Variants in NPEPPS observed in about 807,000 individuals in gnomAD.
The protein encoded by NPEPPS is aminopeptidase puromycin sensitive.
A neutral mutation model predicts 115.5 loss-of-function variants in NPEPPS; 14 were observed. The observed-to-expected ratio is 0.12, with a 90% CI of 0.08 to 0.19. NPEPPS has a LOEUF of 0.19. Among genes scored for constraint, NPEPPS ranks in the 10% least tolerant of loss-of-function variants. The pLI is 1.00. For synonymous variants in NPEPPS, 285 were observed against 390.6 expected (o/e 0.73, Z 3.19); for missense variants, 523 against 1,110.8 (o/e 0.47, Z 7.52).
intron 1 of NPEPPS, among the ~76,000 whole-genome samples, chr17:47,532,529 C>G (rs1276046589): frequency 6.6e-6 from 1 of 151,932 alleles, no homozygotes; most frequent in African/African-American, 2.4e-5. Flanking sequence ...TGGCGGGCCC[C>G]TGTAATCTCA....
intron 2 of NPEPPS, among the ~76,000 whole-genome samples, chr17:47,563,691 C>T (rs1186380244): frequency 6.6e-6 from 1 of 152,026 alleles, no homozygotes; most frequent in Non-Finnish European, 1.5e-5. Context: ...CTGCCTCAGC[C>T]TCCTGAGTAG....
rs543559258 is a variant in NPEPPS at position 47,538,202 on chromosome 17, C to CTTTTTTTTTTT, written c.255+6660_255+6670dup. Among the ~76,000 whole-genome samples, 146 of 58,490 alleles carry CTTTTTTTTTTT rather than the reference C, an allele frequency of 2.5e-3. 12 individuals carry two copies. The highest frequency in any genetic ancestry group is 3.9e-3 in the Non-Finnish European group (117 of 29,660). The allele number at this position is 58,490 out of a possible 152,430, so 38.4% of individuals were successfully genotyped here. ...GCCACCGCGCCTAGCCATATCTGTT[C>CTTTTTTTTTTT]TTTTTTTTTTTTTTTTTTTTTTTGA... On this transcript the variant is annotated intron_variant, in intron 1 of 22. Transcript: ENST00000322157.
intron 11 of NPEPPS, 49 bp from the exon 12 acceptor site, chr17:47,592,436 A>G: frequency 6.5e-7 from 1 of 1,529,680 alleles, no homozygotes. Flanking sequence ...AATATACTAT[A>G]AATTCTGAGA....
chr17:47,534,919 G>A (rs1908085104), intron 1 of NPEPPS, among the ~76,000 whole-genome samples: 1 of 151,920 alleles, frequency 6.6e-6, no homozygotes, highest in Admixed American at 6.6e-5. Context: ...TGCAGAAGGT[G>A]AAGAAATTAG....
chr17:47,620,917 G>A (rs774836185), intron 22 of NPEPPS, among the ~76,000 whole-genome samples: 12 of 152,056 alleles, frequency 7.9e-5, no homozygotes, highest in Admixed American at 1.3e-4. Context: ...TAAAAATGTT[G>A]GATTCCTGTA....
chr17:47,578,782 G>A (rs1418480034), intron 3 of NPEPPS, among the ~76,000 whole-genome samples: 5 of 152,002 alleles, frequency 3.3e-5, no homozygotes, highest in Admixed American at 6.5e-5. Flanking sequence ...TATGCAATCA[G>A]TGTTCCATTT....
At chr17:47,581,579 T>C (rs1911876189) in intron 4 of NPEPPS, 2 of 152,240 alleles carry the variant, frequency 1.3e-5, no homozygotes, top group Non-Finnish European at 2.9e-5. Flanking sequence ...TTTCTTTCCT[T>C]ATACTCTCCC....
At chr17:47,566,028 C>G (rs1037094024) in intron 2 of NPEPPS, among the ~76,000 whole-genome samples, 4 of 152,200 alleles carry the variant, frequency 2.6e-5, no homozygotes, top group Non-Finnish European at 5.9e-5. Context: ...GGGTCTCACT[C>G]TGTCACCTAG....
intron 3 of NPEPPS, chr17:47,577,248 T>C (rs1037481516): frequency 8.8e-6 from 4 of 454,978 alleles, no homozygotes; most frequent in African/African-American, 8.2e-5. Flanking sequence ...CCATGAAATA[T>C]GAATTATATT....
At chr17:47,541,970 G>A (rs1409491784) in intron 1 of NPEPPS, among the ~76,000 whole-genome samples, 2 of 152,088 alleles carry the variant, frequency 1.3e-5, no homozygotes, top group East Asian at 3.8e-4. Flanking sequence ...GTAATTTACT[G>A]TCTCTCATTT....
intron 2 of NPEPPS, among the ~76,000 whole-genome samples, chr17:47,555,749 G>A (rs1909964046): frequency 6.6e-6 from 1 of 151,528 alleles, no homozygotes; most frequent in Admixed American, 6.6e-5. Flanking sequence ...ATGTTTTCCT[G>A]GTACATAAGG....
intron 4 of NPEPPS, chr17:47,579,916 A>AT (rs1028074374): frequency 3.4e-3 from 412 of 121,062 alleles, no homozygotes; most frequent in South Asian, 8.1e-3. Context: ...GCTGTCTTTG[A>AT]TTTTTTTTTT....
chr17:47,588,309 C>G (rs1912310378), intron 9 of NPEPPS, among the ~76,000 whole-genome samples: 1 of 152,078 alleles, frequency 6.6e-6, no homozygotes, highest in South Asian at 2.1e-4. Context: ...CGCCGGTAAT[C>G]CCAGCACTTT....
At chr17:47,621,394 A>G (rs1011654895) in intron 22 of NPEPPS, among the ~76,000 whole-genome samples, 4 of 152,098 alleles carry the variant, frequency 2.6e-5, no homozygotes, top group Non-Finnish European at 4.4e-5. Context: ...CTCATAGTTG[A>G]GAAAACTGAG....
chr17:47,559,548 A>G, intron 2 of NPEPPS: 2 of 428,080 alleles, frequency 4.7e-6, no homozygotes, highest in Admixed American at 2.8e-5. Flanking sequence ...GTTTGCTAGT[A>G]TCTAGGGGAG....
chr17:47,559,983 A>C (rs556807268), intron 2 of NPEPPS, among the ~76,000 whole-genome samples: 1 of 152,126 alleles, frequency 6.6e-6, no homozygotes. Context: ...TAAATCTGCT[A>C]CTTCTCTGCT....
Position 47,605,439 on chromosome 17 carries a change from T to C in NPEPPS, c.1982T>C (p.Ile661Thr), listed in dbSNP as rs756644470. The C allele has an allele frequency of 6.2e-7, 1 of 1,610,326 alleles. No homozygotes were observed. Residue 661 changes from isoleucine (I) to threonine (T), a missense_variant, in exon 17 of 23, where the codon ATT becomes ACT. By Grantham distance (89) the Ile-to-Thr change is moderately conservative. Around this residue, in one of 4 missense-constraint regions of NPEPPS, gnomAD observed 372 missense variants for 542.6 expected, o/e 0.69. Coordinates refer to ENST00000322157, the MANE Select transcript of NPEPPS (RefSeq NM_006310.4). ...AGCGACCTGAGCTGTAACCTGGGGATTCTCTCAACTCTCTTGTCCCACACA... is the reference window on the plus strand; with the variant it reads ...AGCGACCTGAGCTGTAACCTGGGGACTCTCTCAACTCTCTTGTCCCACACA... ...VWSDLSCNLG[I>T]LSTLLSHTDF...
chr17:47,532,090 G>T (rs555000613), intron 1 of NPEPPS, among the ~76,000 whole-genome samples: 6 of 152,106 alleles, frequency 3.9e-5, no homozygotes, highest in Admixed American at 1.3e-4. Context: ...TCTAGAAGGG[G>T]GGGGAGAGGG....
chr17:47,533,109 A>G (rs973021584), intron 1 of NPEPPS, among the ~76,000 whole-genome samples: 2 of 152,148 alleles, frequency 1.3e-5, no homozygotes, highest in Admixed American at 1.3e-4. Context: ...CGGTACTCAG[A>G]TTAAAAATAT....
Sources: gnomAD v4.1 joint callset for allele counts (sites outside exome capture counted in the v4.1 genomes callset) on GRCh38, gnomAD v4.1.1 for gene constraint, gnomAD v4.1.1 regional missense constraint, MANE v1.5 for transcripts, NCBI Gene and HGNC (gene_info 2026-07-23, HGNC 2026-07-21) for gene names.